COL12A1: variants seen among roughly 807,000 people sequenced by gnomAD.
COL12A1 encodes collagen type XII alpha 1 chain, also known as collagen alpha-1(XII) chain.
In COL12A1, 114 loss-of-function variants were observed where a neutral mutation model predicts 349.7. That is an observed-to-expected ratio of 0.33 (90% CI 0.28 to 0.38). The LOEUF is 0.38. Ranked by LOEUF, COL12A1 falls within the 10% of genes least tolerant of loss-of-function variation. The probability of loss-of-function intolerance (pLI) is 1.00; values close to 1 mark genes in which losing one functional copy is unlikely to be tolerated. For synonymous variants in COL12A1, 1,369 were observed against 1,329.0 expected, an observed-to-expected ratio of 1.03 and a Z score of -0.66; for missense variants, 3,284 against 3,756.9, an observed-to-expected ratio of 0.87 and a Z score of 3.29.
chr6:75,177,106 T>A (rs1046454677), intron 12 of COL12A1, among the ~76,000 whole-genome samples: 51 of 152,234 alleles, frequency 3.4e-4, no homozygotes, highest in Non-Finnish European at 5.6e-4. Context: ...ATATTATTTT[T>A]AAAAGAATAT....
chr6:75,195,441 G>A (rs1284464061), intron 2 of COL12A1, among the ~76,000 whole-genome samples: 1 of 151,960 alleles, frequency 6.6e-6, no homozygotes, highest in African/African-American at 2.4e-5. Context: ...TGATGGTTTT[G>A]GTTCATTCTC....
At chr6:75,184,815 A>G (rs1203195235) in intron 8 of COL12A1, among the ~76,000 whole-genome samples, 1 of 152,224 alleles carries the variant, frequency 6.6e-6, no homozygotes. Flanking sequence ...ATAGTCATGT[A>G]TTTGACAGTT....
chr6:75,152,414 G>T lies in COL12A1; in HGVS notation c.3634C>A (p.Arg1212=). 6.2e-7 allele frequency: 1 copy of T among 1,613,592 alleles called. No individual in the cohort carries two copies. Among genetic ancestry groups the T allele is most frequent in the Non-Finnish European group, 8.5e-7 (1 of 1,179,722 alleles). ...LLVDGSWSIG[R]ANFRTVRSFI... ...CTCCTCACGGTTCTAAAATTTGCCC[G>T]GCCGATGCTCCATGATCCATCCACC... The change falls in exon 18 of 66, where the codon CGG becomes AGG. Residue 1212 remains arginine (R), a synonymous_variant. Coordinates refer to ENST00000322507, the MANE Select transcript of COL12A1 (RefSeq NM_004370.6).
chr6:75,170,264 C>A (rs1489925496), intron 13 of COL12A1, among the ~76,000 whole-genome samples: 1 of 152,168 alleles, frequency 6.6e-6, no homozygotes, highest in Non-Finnish European at 1.5e-5. Flanking sequence ...CATTGAGTTT[C>A]ATATACCACT....
chr6:75,148,390 A>T lies in COL12A1; in HGVS notation c.4255T>A (p.Tyr1419Asn), dbSNP rs758640189. 8 of 1,612,962 alleles carry T rather than the reference A, an allele frequency of 5.0e-6. No individual in the cohort carries two copies. Among genetic ancestry groups the T allele is most frequent in the Admixed American group, 1.7e-5 (1 of 59,964 alleles). The change falls in exon 22 of 66, where the codon TAC (tyrosine) becomes AAC (asparagine). Residue 1419 changes from tyrosine to asparagine, a missense_variant. By Grantham distance (143) the Tyr-to-Asn change is moderately radical. Coordinates refer to ENST00000322507, the MANE Select transcript of COL12A1 (RefSeq NM_004370.6). ...CGTTTCCCTCCAGAAACTGGATAGT[A>T]TTCCACCTTATATCGATCCACACTG... ...SDSVDRYKVE[Y>N]YPVSGGKRQE...
rs1478926308 is a variant in COL12A1, at chr6:75,089,183, G to T, written c.8942-9C>A. 3.1e-6 allele frequency: 5 copies of T among 1,593,724 alleles called. No individual in the cohort carries two copies. The highest frequency in any genetic ancestry group is 1.4e-5 in the African/African-American group (1 of 73,332). The stretch of plus-strand genomic sequence containing the variant: ...TTTCTCTCCTGGCAAACCTAAGGAG[G>T]GAGAAAAAGAGAAAGCACAGGGGAA... On this transcript the variant is annotated splice_polypyrimidine_tract_variant and intron_variant, in intron 63 of 65. Transcript: ENST00000322507.
rs532002976 is a variant in COL12A1, at chr6:75,170,043, C to G, written c.2711-4264G>C. Among the ~76,000 whole-genome samples, 6 of 152,320 alleles carry G rather than the reference C, an allele frequency of 3.9e-5. No homozygotes were observed. In the East Asian group the frequency reaches 1.2e-3, roughly 29 times the overall value. On this transcript the variant is annotated intron_variant, in intron 13 of 65. Transcript: ENST00000322507. ...CATCCTGAAGGGATTGATTCCTACA[C>G]TGCTTTTTTCCACATACCAAGCCAA...
chr6:75,161,230 C>T (rs1768011185), intron 14 of COL12A1, among the ~76,000 whole-genome samples: 1 of 152,170 alleles, frequency 6.6e-6, no homozygotes, highest in Admixed American at 6.5e-5. Flanking sequence ...TGGTGACCCC[C>T]ACCAGGAACC....
At chr6:75,095,068 G>C in intron 60 of COL12A1, 40 bp downstream of exon 60, 2 of 1,576,800 alleles carry the variant, frequency 1.3e-6, no homozygotes, top group East Asian at 2.2e-5. Flanking sequence ...TATTTCCACG[G>C]TGAAACCACT....
rs542659971 is a variant in COL12A1 at position 75,115,861 on chromosome 6, T to A, written c.7620A>T (p.Val2540=). ...TEKNFASVQG[V]SLESGSFPSY... ...TGGGGAAAGACCCTGACTCCAAAGA[T>A]ACTCCTTGTACAGAAGCAAAATTCT... Residue 2540 remains valine (V), a synonymous_variant, in exon 49 of 66, where the codon GTA becomes GTT. Transcript: ENST00000322507. 1.2e-5 allele frequency: 19 copies of A among 1,613,622 alleles called. No homozygotes were observed. In the African/African-American group the frequency reaches 2.0e-4, roughly 17 times the overall value.
chr6:75,088,062 G>A (rs1767589290), intron 64 of COL12A1, among the ~76,000 whole-genome samples: 1 of 152,148 alleles, frequency 6.6e-6, no homozygotes, highest in African/African-American at 2.4e-5. Flanking sequence ...AGCACCTGAA[G>A]GAAACAGCTC....
chr6:75,200,924 G>A (rs1446131985), intron 2 of COL12A1, among the ~76,000 whole-genome samples: 1 of 145,682 alleles, frequency 6.9e-6, no homozygotes, highest in Non-Finnish European at 1.5e-5. Context: ...TGGGATACAA[G>A]AAAAGACACA....
In COL12A1 at chr6:75,155,006, C is replaced by T. The variant is rs189760140; in HGVS notation, c.3444-469G>A. ...TCCCTACTCTGGTAAAAGTAAATCA[C>T]AAGCATTTATATAGATTTCAATAGT... On this transcript the variant is annotated intron_variant, in intron 16 of 65. Coordinates refer to ENST00000322507, the MANE Select transcript of COL12A1 (RefSeq NM_004370.6). Among the ~76,000 whole-genome samples the T allele has an allele frequency of 7.9e-4, 120 of 152,276 alleles. 1 individual carries two copies. The highest frequency in any genetic ancestry group is 1.9e-3 in the African/African-American group (79 of 41,554).
At chr6:75,199,352 T>A (rs1770406713) in intron 2 of COL12A1, among the ~76,000 whole-genome samples, 1 of 152,186 alleles carries the variant, frequency 6.6e-6, no homozygotes, top group Non-Finnish European at 1.5e-5. Flanking sequence ...AAATTTCTGT[T>A]ATAACACAAA....
At chr6:75,173,567 G>T (rs1018441179) in intron 13 of COL12A1, among the ~76,000 whole-genome samples, 1 of 152,060 alleles carries the variant, frequency 6.6e-6, no homozygotes, top group African/African-American at 2.4e-5. Context: ...TAGAGACAGG[G>T]TTTTACCATG....
At chr6:75,165,470 C>T (rs1256999049) in intron 14 of COL12A1, 37 bp downstream of exon 14, 1 of 1,600,470 alleles carries the variant, frequency 6.2e-7, no homozygotes, top group African/African-American at 1.3e-5. Context: ...TTGGGTAGCA[C>T]CGGCACACAC....
rs769142031 is a variant in COL12A1, at chr6:75,154,369, T to G, written c.3565+47A>C. The G allele has an allele frequency of 2.5e-6, 4 of 1,589,522 alleles. No individual in the cohort carries two copies. The Admixed American group carries it at 6.9e-5, about 27-fold the overall frequency. On this transcript the variant is annotated intron_variant, in intron 17 of 65. Transcript: ENST00000322507. ...ATACCCTAACAGTTCACATTTGAAA[T>G]AGTTTCCTAAGTTGTTTTCCTCAAG...
intron 51 of COL12A1, among the ~76,000 whole-genome samples, chr6:75,112,265 T>C (rs2149356916): frequency 6.6e-6 from 1 of 151,934 alleles, no homozygotes; most frequent in East Asian, 1.9e-4. Context: ...TAATGGATAC[T>C]AGGCTTAATA....
intron 25 of COL12A1, among the ~76,000 whole-genome samples, chr6:75,144,797 G>T (rs1274032701): frequency 1.3e-5 from 2 of 152,140 alleles, no homozygotes; most frequent in East Asian, 3.8e-4. Flanking sequence ...CATATAATAG[G>T]GGATCAATAT....
Sources: gnomAD v4.1 joint callset for allele counts (sites outside exome capture counted in the v4.1 genomes callset) on GRCh38, gnomAD v4.1.1 for gene constraint, MANE v1.5 for transcripts, NCBI Gene and HGNC (gene_info 2026-07-23, HGNC 2026-07-21) for gene names.